Variants in ROBO1 observed in about 807,000 individuals in gnomAD.
The protein encoded by ROBO1 is roundabout homolog 1.
A neutral mutation model predicts 195.9 loss-of-function variants in ROBO1; 149 were observed. The ratio of observed to expected loss-of-function variants is 0.76; its 90% CI spans 0.67 to 0.87. ROBO1 has a LOEUF of 0.87. ROBO1 is among the 40% of genes least tolerant of loss of function. The probability of loss-of-function intolerance (pLI) is 0.00; values close to 1 mark genes in which losing one functional copy is unlikely to be tolerated. For synonymous variants in ROBO1, 816 were observed against 733.2 expected, an observed-to-expected ratio of 1.11 and a Z score of -1.82; for missense variants, 1,933 against 2,068.3, an observed-to-expected ratio of 0.93 and a Z score of 1.27.
intron 2 of ROBO1, among the ~76,000 whole-genome samples, chr3:79,207,556 A>C (rs2081892367): frequency 6.6e-6 from 1 of 152,182 alleles, no homozygotes; most frequent in African/African-American, 2.4e-5. Context: ...CCAGTGTAAT[A>C]ATAGTGAGAG....
At position 79,001,029 on chromosome 3, in the gene ROBO1, C is replaced by T. The variant is rs570887703; in HGVS notation, c.173-62102G>A. On this transcript the variant is annotated intron_variant, in intron 3 of 30. Transcript: ENST00000464233. The stretch of plus-strand genomic sequence containing the variant: ...AGCAAACTAACACAGGAACAGAAAA[C>T]CAAACACCGCATGTTCTCACTCATA... Among the ~76,000 whole-genome samples, 5 of 152,118 alleles carry T rather than the reference C, an allele frequency of 3.3e-5. No individual in the cohort carries two copies. In the South Asian group the frequency reaches 1.0e-3, roughly 32 times the overall value.
chr3:78,841,079 A>G (rs1381021403), intron 4 of ROBO1, among the ~76,000 whole-genome samples: 1 of 151,878 alleles, frequency 6.6e-6, no homozygotes, highest in Non-Finnish European at 1.5e-5. Flanking sequence ...AAAAAAAGTA[A>G]GTTATATAGT....
intron 5 of ROBO1, among the ~76,000 whole-genome samples, chr3:78,725,539 T>C (rs2082141715): frequency 6.6e-6 from 1 of 152,150 alleles, no homozygotes; most frequent in Non-Finnish European, 1.5e-5. Flanking sequence ...TCATCTCCTT[T>C]ACTGAATTGC....
chr3:78,656,189 T>C (rs1409347076), intron 18 of ROBO1, among the ~76,000 whole-genome samples: 1 of 152,058 alleles, frequency 6.6e-6, no homozygotes, highest in East Asian at 1.9e-4. Flanking sequence ...GCAATCAGCA[T>C]ATAAACATAT....
intron 1 of ROBO1, among the ~76,000 whole-genome samples, chr3:79,715,041 G>A (rs2107256320): frequency 6.6e-6 from 1 of 152,038 alleles, no homozygotes; most frequent in South Asian, 2.1e-4. Context: ...AAGATGTGTT[G>A]AATTACTGCA....
chr3:79,010,969 T>C (rs985718136), intron 3 of ROBO1, among the ~76,000 whole-genome samples: 1 of 152,158 alleles, frequency 6.6e-6, no homozygotes, highest in Non-Finnish European at 1.5e-5. Context: ...CTAGGAAATT[T>C]TCACTTCTCT....
intron 2 of ROBO1, among the ~76,000 whole-genome samples, chr3:79,224,315 A>G (rs188525627): frequency 5.9e-5 from 9 of 152,298 alleles, no homozygotes; most frequent in Middle Eastern, 3.4e-3. Flanking sequence ...CTCTTTAACA[A>G]TTTTCATGCT....
Position 79,327,623 on chromosome 3 carries a change from T to C in ROBO1, c.89-202084A>G, listed in dbSNP as rs1389339806. On this transcript the variant is annotated intron_variant, in intron 2 of 30. Transcript: ENST00000464233. ...TATATATGTCTGAAGAACAGGAAAA[T>C]AGGTAATGATGTTCTTTATCCTGCA... Among the ~76,000 whole-genome samples, 5 of 151,940 alleles carry C rather than the reference T, an allele frequency of 3.3e-5. No individual in the cohort carries two copies. The East Asian group carries it at 9.6e-4, about 29-fold the overall frequency.
chr3:78,733,303 A>C (rs1430616629), intron 5 of ROBO1, among the ~76,000 whole-genome samples: 1 of 152,142 alleles, frequency 6.6e-6, no homozygotes, highest in African/African-American at 2.4e-5. Flanking sequence ...GCCTTAAGAA[A>C]ATTTCTTTGA....
At chr3:78,782,691 C>A (rs1392993772) in intron 4 of ROBO1, among the ~76,000 whole-genome samples, 2 of 152,090 alleles carry the variant, frequency 1.3e-5, no homozygotes, top group Non-Finnish European at 1.5e-5. Flanking sequence ...ACTTTTTAAA[C>A]CTTCATTAAA....
At chr3:78,637,282 AG>A (rs1705581219) in intron 22 of ROBO1, among the ~76,000 whole-genome samples, 1 of 152,152 alleles carries the variant, frequency 6.6e-6, no homozygotes, top group African/African-American at 2.4e-5. Context: ...ATGAACCGTC[AG>A]GGAACAGAAA....
intron 1 of ROBO1, among the ~76,000 whole-genome samples, chr3:79,757,282 C>T (rs923274241): frequency 9.2e-5 from 14 of 152,150 alleles, no homozygotes; most frequent in African/African-American, 3.1e-4. Context: ...ACCAGCAATA[C>T]ATAATCCGAT....
intron 5 of ROBO1, among the ~76,000 whole-genome samples, chr3:78,745,306 C>CTAA (rs2082631159): frequency 5.6e-5 from 4 of 71,166 alleles, no homozygotes; most frequent in African/African-American, 1.5e-4. Context: ...GACTCCATTT[C>CTAA]AAAAAAAAAA....
At chr3:79,270,229 C>A (rs1053722507) in intron 2 of ROBO1, among the ~76,000 whole-genome samples, 1 of 151,104 alleles carries the variant, frequency 6.6e-6, no homozygotes, top group Admixed American at 6.6e-5. Flanking sequence ...CTCACATACA[C>A]ACACATACAC....
At chr3:79,429,502 G>T (rs2038589216) in intron 2 of ROBO1, among the ~76,000 whole-genome samples, 1 of 152,054 alleles carries the variant, frequency 6.6e-6, no homozygotes, top group African/African-American at 2.4e-5. Context: ...GCCTAATCCA[G>T]GTTATAGAGT....
At chr3:79,300,034 T>C (rs1576942454) in intron 2 of ROBO1, among the ~76,000 whole-genome samples, 1 of 152,350 alleles carries the variant, frequency 6.6e-6, no homozygotes, top group African/African-American at 2.4e-5. Flanking sequence ...CAAGAATATG[T>C]AGTACTGAGA....
chr3:78,857,660 C>T (rs531240432), intron 4 of ROBO1, among the ~76,000 whole-genome samples: 3 of 152,228 alleles, frequency 2.0e-5, no homozygotes, highest in Non-Finnish European at 2.9e-5. Flanking sequence ...AAACTCTGGA[C>T]GTGGCCAGAA....
chr3:79,112,910 T>C (rs1450174235), intron 3 of ROBO1, among the ~76,000 whole-genome samples: 1 of 151,484 alleles, frequency 6.6e-6, no homozygotes, highest in Non-Finnish European at 1.5e-5. Context: ...ACTTAAAGTA[T>C]AATAAAAAAA....
intron 3 of ROBO1, among the ~76,000 whole-genome samples, chr3:78,983,680 T>C (rs1423877287): frequency 2.0e-5 from 3 of 152,004 alleles, no homozygotes; most frequent in Non-Finnish European, 4.4e-5. Context: ...AACACAAAAA[T>C]CTTTAACATA....
Sources: allele counts gnomAD v4.1 joint callset (sites outside exome capture counted in the v4.1 genomes callset), GRCh38; gene constraint gnomAD v4.1.1; transcripts MANE v1.5; gene names NCBI Gene and HGNC (gene_info 2026-07-23, HGNC 2026-07-21).